FHIT: variants seen among roughly 807,000 people sequenced by gnomAD.
FHIT encodes the protein fragile histidine triad diadenosine triphosphatase, also known as bis(5'-adenosyl)-triphosphatase.
A neutral mutation model predicts 17.9 loss-of-function variants in FHIT; 19 were observed. The observed-to-expected ratio is 1.06, with a 90% confidence interval of 0.74 to 1.56. The LOEUF is 1.56. Ranked by LOEUF, FHIT falls within the 40% of genes most tolerant of loss-of-function variation. The pLI is 0.00. For synonymous variants in FHIT, 81 were observed against 69.7 expected (o/e 1.16, Z -0.81); for missense variants, 248 against 189.2 (o/e 1.31, Z -1.82).
In FHIT at chr3:60,914,035, C is replaced by T. The variant is rs187748702; in HGVS notation, c.-110-92024G>A. 4.7e-3 allele frequency among the ~76,000 whole-genome samples: 710 copies of T among 152,240 alleles called. 24 individuals are homozygous for T. The highest frequency in any genetic ancestry group is 0.037 in the Admixed American group (573 of 15,294). On this transcript the variant is annotated intron_variant, in intron 3 of 9. Coordinates refer to ENST00000492590, the MANE Select transcript of FHIT (RefSeq NM_002012.4). The stretch of plus-strand genomic sequence containing the variant: ...GGAGAAAAAAGACTTTATTTCTTGA[C>T]GGGAGAAGAGGTCTGCACAGACAGT...
At chr3:61,007,126 A>G (rs2031504751) in intron 3 of FHIT, among the ~76,000 whole-genome samples, 1 of 152,224 alleles carries the variant, frequency 6.6e-6, no homozygotes, top group African/African-American at 2.4e-5. Flanking sequence ...AACTGGGCCA[A>G]TGAAATGTTG....
chr3:60,244,892 T>C (rs532369838), intron 5 of FHIT, among the ~76,000 whole-genome samples: 54 of 151,988 alleles, frequency 3.6e-4, no homozygotes, highest in South Asian at 6.2e-4. Context: ...AAATTATTAC[T>C]GTCTGTCAAT....
At chr3:59,765,338 G>C (rs1221671177) in intron 8 of FHIT, among the ~76,000 whole-genome samples, 5 of 152,184 alleles carry the variant, frequency 3.3e-5, no homozygotes, top group African/African-American at 1.2e-4. Flanking sequence ...CCTAGAATCA[G>C]GGATTGACAC....
intron 4 of FHIT, among the ~76,000 whole-genome samples, chr3:60,667,958 T>G (rs1159354854): frequency 1.3e-5 from 2 of 151,994 alleles, no homozygotes; most frequent in Non-Finnish European, 2.9e-5. Context: ...TATCTCTCAG[T>G]GGGAGAGGAA....
chr3:60,089,235 T>C (rs762633486), intron 5 of FHIT, among the ~76,000 whole-genome samples: 1 of 152,210 alleles, frequency 6.6e-6, no homozygotes, highest in African/African-American at 2.4e-5. Flanking sequence ...GTGATTAATA[T>C]TTGTTGACTT....
chr3:60,375,532 G>C (rs958801993), intron 5 of FHIT, among the ~76,000 whole-genome samples: 2 of 152,026 alleles, frequency 1.3e-5, no homozygotes, highest in South Asian at 2.1e-4. Flanking sequence ...CAGAGATCAC[G>C]CCACTGCACT....
intron 7 of FHIT, among the ~76,000 whole-genome samples, chr3:59,950,118 G>C (rs1017247023): frequency 1.3e-5 from 2 of 152,026 alleles, no homozygotes; most frequent in African/African-American, 4.8e-5. Context: ...CTCCTCCCTG[G>C]CTCCCCATCC....
chr3:60,150,918 C>CAA (rs57120371), intron 5 of FHIT, among the ~76,000 whole-genome samples: 23 of 123,148 alleles, frequency 1.9e-4, no homozygotes, highest in East Asian at 4.4e-4. Context: ...GACTCCGCCT[C>CAA]AAAAAAAAAA....
chr3:61,032,560 G>A (rs1054163565), intron 3 of FHIT, among the ~76,000 whole-genome samples: 3 of 152,162 alleles, frequency 2.0e-5, no homozygotes, highest in African/African-American at 7.2e-5. Flanking sequence ...ACCAGAAGGA[G>A]CAGGGAAAAC....
chr3:61,077,315 G>A (rs556449204), intron 2 of FHIT, among the ~76,000 whole-genome samples: 57 of 152,168 alleles, frequency 3.7e-4, no homozygotes, highest in Non-Finnish European at 7.1e-4. Context: ...GTAAACACAG[G>A]AATGGAAGCA....
chr3:61,239,609 C>A (rs2106912414), intron 1 of FHIT, among the ~76,000 whole-genome samples: 1 of 151,798 alleles, frequency 6.6e-6, no homozygotes, highest in East Asian at 1.9e-4. Context: ...CAGGTGTTTG[C>A]CTATGTGTTA....
At chr3:60,232,114 A>C (rs17062563) in intron 5 of FHIT, among the ~76,000 whole-genome samples, 1 of 152,052 alleles carries the variant, frequency 6.6e-6, no homozygotes. Context: ...TATGTGCCAC[A>C]TTATTTTTCA....
intron 1 of FHIT, among the ~76,000 whole-genome samples, chr3:61,235,188 C>G (rs906766245): frequency 6.6e-6 from 1 of 152,114 alleles, no homozygotes; most frequent in African/African-American, 2.4e-5. Context: ...TTTTTGCCAC[C>G]TAAGGACATT....
At chr3:59,994,299 C>T (rs1428941507) in intron 7 of FHIT, among the ~76,000 whole-genome samples, 1 of 152,066 alleles carries the variant, frequency 6.6e-6, no homozygotes, top group South Asian at 2.1e-4. Flanking sequence ...TTGTAAAAAG[C>T]AGGTAACCAC....
chr3:60,651,808 G>A (rs1553688336), intron 4 of FHIT, among the ~76,000 whole-genome samples: 1 of 152,068 alleles, frequency 6.6e-6, no homozygotes, highest in East Asian at 1.9e-4. Context: ...GTATTTCTTT[G>A]ACATGTGGCA....
At chr3:60,324,212 C>A (rs4277641) in intron 5 of FHIT, among the ~76,000 whole-genome samples, 2,378 of 152,228 alleles carry the variant, frequency 0.016, 65 homozygotes, top group African/African-American at 0.054. Context: ...CCAAATCTCT[C>A]TGCTAGTAAC....
At chr3:60,684,956 T>G (rs1412838843) in intron 4 of FHIT, among the ~76,000 whole-genome samples, 1 of 152,174 alleles carries the variant, frequency 6.6e-6, no homozygotes, top group Non-Finnish European at 1.5e-5. Context: ...CTTTCTTCTT[T>G]TCCTTAGAAA....
At chr3:60,672,906 T>TGTGTGTGTGTGTGTGTGTGC (rs1454491586) in intron 4 of FHIT, among the ~76,000 whole-genome samples, 12 of 151,462 alleles carry the variant, frequency 7.9e-5, no homozygotes, top group Non-Finnish European at 5.9e-5. Context: ...TGTGTGTGTG[T>TGTGTGTGTGTGTGTGTGTGC]GCATGCATGC....
chr3:60,313,829 T>G (rs1396156290), intron 5 of FHIT, among the ~76,000 whole-genome samples: 1 of 152,162 alleles, frequency 6.6e-6, no homozygotes, highest in Non-Finnish European at 1.5e-5. Context: ...TGGCACAAAA[T>G]TGAGAGATGG....
Sources: gnomAD v4.1 joint callset for allele counts (sites outside exome capture counted in the v4.1 genomes callset) on GRCh38, gnomAD v4.1.1 for gene constraint, MANE v1.5 for transcripts, NCBI Gene and HGNC (gene_info 2026-07-23, HGNC 2026-07-21) for gene names.